AQR: variants seen among roughly 807,000 people sequenced by gnomAD.
The protein encoded by AQR is RNA helicase aquarius.
A neutral mutation model predicts 180.5 loss-of-function variants in AQR; 61 were observed. The ratio of observed to expected loss-of-function variants is 0.34; its 90% confidence interval spans 0.28 to 0.42. AQR has a LOEUF of 0.42. Ranked by LOEUF, AQR falls within the 10% of genes least tolerant of loss-of-function variation. The probability of loss-of-function intolerance (pLI) is 1.00; values close to 1 mark genes in which losing one functional copy is unlikely to be tolerated. For synonymous variants in AQR, 551 were observed against 588.8 expected (o/e 0.94, Z 0.93); for missense variants, 1,281 against 1,798.3 (o/e 0.71, Z 5.20).
intron 14 of AQR, among the ~76,000 whole-genome samples, chr15:34,919,045 C>A (rs1307216287): frequency 1.3e-5 from 2 of 152,042 alleles, no homozygotes; most frequent in Non-Finnish European, 2.9e-5. Flanking sequence ...TCAAGACTAG[C>A]CTGACCAACA....
Position 34,870,848 on chromosome 15 carries a change from G to A in AQR, c.3672C>T (p.Ile1224=). 1 of 1,613,374 alleles carries A rather than the reference G, an allele frequency of 6.2e-7. No individual in the cohort carries two copies. The highest frequency in any genetic ancestry group is 8.5e-7 in the Non-Finnish European group (1 of 1,179,630). The change falls in exon 31 of 35, where the codon ATC becomes ATT. Residue 1224 remains isoleucine, a synonymous_variant. Transcript: ENST00000156471. ...MCLLGYPADK[I]SILTTYNGQK... is the part of the protein sequence containing the mutation. ...GGCCATTATATGTTGTTAGAATACT[G>A]ATTTTGTCAGCAGGGTAACCAAGTA...
At chr15:34,888,773 A>T (rs1017444317) in intron 24 of AQR, among the ~76,000 whole-genome samples, 1 of 152,220 alleles carries the variant, frequency 6.6e-6, no homozygotes, top group South Asian at 2.1e-4. Flanking sequence ...TTGTTTTAGG[A>T]TAGTGTAATT....
At chr15:34,967,222 T>G (rs1002792971) in intron 1 of AQR, among the ~76,000 whole-genome samples, 1 of 152,128 alleles carries the variant, frequency 6.6e-6, no homozygotes, top group African/African-American at 2.4e-5. Flanking sequence ...ATTCACACCT[T>G]AAGGTGTGTG....
intron 24 of AQR, among the ~76,000 whole-genome samples, chr15:34,886,965 A>G (rs1893069583): frequency 6.6e-6 from 1 of 152,038 alleles, no homozygotes; most frequent in Non-Finnish European, 1.5e-5. Context: ...TCTACTAAAA[A>G]TACAAAAAAA....
intron 33 of AQR, among the ~76,000 whole-genome samples, chr15:34,860,826 T>C (rs1420680428): frequency 2.0e-5 from 3 of 152,214 alleles, no homozygotes; most frequent in Non-Finnish European, 4.4e-5. Flanking sequence ...TGGGGTAGAC[T>C]GTTAAATTGC....
rs1429941221 is a variant in AQR at position 34,906,680 on chromosome 15, T to C, written c.1696A>G (p.Thr566Ala). ...LRKHDVCFLI[T>A]VRPTKPYGTK... ...CCATAAGGTTTTGTGGGACGTACGG[T>C]AATTAAAAAGCATACATCATGCTTA... The change falls in exon 18 of 35, where the codon ACC becomes GCC. Residue 566 changes from threonine (T) to alanine (A), a missense_variant. By Grantham distance (58) the Thr-to-Ala change is moderately conservative. Around this residue, in one of 9 missense-constraint regions of AQR, gnomAD observed 200 missense variants for 293.4 expected, o/e 0.68. Transcript: ENST00000156471. 6.2e-7 allele frequency: 1 copy of C among 1,613,758 alleles called. No homozygotes were observed. The highest frequency in any genetic ancestry group is 1.3e-5 in the African/African-American group (1 of 74,908).
Position 34,871,008 on chromosome 15 carries a change from C to T in AQR, c.3598-86G>A, listed in dbSNP as rs1013825629. 3.6e-6 allele frequency: 5 copies of T among 1,374,822 alleles called. No homozygotes were observed. In the African/African-American group the frequency reaches 5.8e-5, roughly 16 times the overall value. 85.2% of individuals were successfully genotyped at this position (1,374,822 alleles called of 1,614,324 possible). A position where few individuals can be genotyped will look rare whatever the true frequency, so the allele number is the denominator to read the frequency against. ...AAATATCTCATCTAGATAAGCAAAA[C>T]TTGTTCACTTTGCACACTGCAAGAA... On this transcript the variant is annotated intron_variant, in intron 30 of 34. Transcript: ENST00000156471.
At chr15:34,968,686 C>T (rs2050326492) in intron 1 of AQR, among the ~76,000 whole-genome samples, 1 of 152,124 alleles carries the variant, frequency 6.6e-6, no homozygotes, top group African/African-American at 2.4e-5. Flanking sequence ...GATTACGATA[C>T]CTTGGTCCAG....
intron 17 of AQR, 118 bp downstream of exon 17, chr15:34,910,017 G>C: frequency 8.4e-7 from 1 of 1,186,518 alleles, no homozygotes; most frequent in Non-Finnish European, 1.2e-6. Context: ...AAATTTCAAG[G>C]ATAACGCTTA....
Position 34,940,890 on chromosome 15 carries a change from C to T in AQR, c.641+9G>A, listed in dbSNP as rs1287698179. The T allele has an allele frequency of 6.3e-7, 1 of 1,584,074 alleles. No homozygotes were observed. The highest frequency in any genetic ancestry group is 8.6e-7 in the Non-Finnish European group (1 of 1,156,952). ...TAAGCCAACATGAAATGAAGCTCTG[C>T]CAACATACTGTTCTCTTGCTTCTGG... is the stretch of plus-strand genomic sequence containing the variant. On this transcript the variant is annotated intron_variant, in intron 8 of 34. Transcript: ENST00000156471.
chr15:34,913,994 T>C (rs1893540118), intron 16 of AQR, among the ~76,000 whole-genome samples: 1 of 152,168 alleles, frequency 6.6e-6, no homozygotes, highest in Non-Finnish European at 1.5e-5. Context: ...AAATAAAACA[T>C]GGAAGTGAAA....
At chr15:34,915,209 ATTTTT>A in intron 15 of AQR, 30 bp from the exon 16 acceptor site, 2 of 1,295,810 alleles carry the variant, frequency 1.5e-6, no homozygotes, top group Non-Finnish European at 1.0e-6. Context: ...CCATATTTCA[ATTTTT>A]TTTTTTTTTT....
intron 1 of AQR, 197 bp from the exon 2 acceptor site, chr15:34,964,487 T>C: frequency 1.5e-6 from 1 of 679,782 alleles, no homozygotes. Flanking sequence ...CAGTAGTGCT[T>C]TGCACTACAA....
intron 5 of AQR, 122 bp downstream of exon 5, chr15:34,948,142 T>C: frequency 9.2e-7 from 1 of 1,090,220 alleles, no homozygotes; most frequent in Non-Finnish European, 1.2e-6. Flanking sequence ...TTTTTCTCAA[T>C]ATTTGCTTTA....
intron 20 of AQR, among the ~76,000 whole-genome samples, chr15:34,899,786 C>T (rs144004552): frequency 6.6e-5 from 10 of 152,166 alleles, no homozygotes; most frequent in African/African-American, 2.4e-4. Context: ...ACCACTAATC[C>T]ATATGAAGGA....
chr15:34,921,263 G>A (rs112023925), intron 13 of AQR, among the ~76,000 whole-genome samples: 14,714 of 151,374 alleles, frequency 0.097, 784 homozygotes, highest in Middle Eastern at 0.16. Flanking sequence ...GTGAAACCCC[G>A]TCTCTACTAA....
intron 18 of AQR, 148 bp downstream of exon 18, chr15:34,906,397 T>C (rs1167727008): frequency 1.1e-6 from 1 of 876,730 alleles, no homozygotes. Flanking sequence ...GCACGGTAGG[T>C]ACCCTACACA....
At chr15:34,927,204 TA>T in intron 12 of AQR, 66 bp from the exon 13 acceptor site, 1 of 897,332 alleles carries the variant, frequency 1.1e-6, no homozygotes, top group Non-Finnish European at 1.6e-6. Flanking sequence ...ATCTACTATT[TA>T]AGAATGAAAA....
At chr15:34,871,126 A>G (rs1202394595) in intron 30 of AQR, among the ~76,000 whole-genome samples, 1 of 152,202 alleles carries the variant, frequency 6.6e-6, no homozygotes, top group Non-Finnish European at 1.5e-5. Context: ...CAAACTTTTA[A>G]TTTGCAATAC....
Sources: gnomAD v4.1 joint callset for allele counts (sites outside exome capture counted in the v4.1 genomes callset) on GRCh38, gnomAD v4.1.1 for gene constraint, gnomAD v4.1.1 regional missense constraint, MANE v1.5 for transcripts, NCBI Gene and HGNC (gene_info 2026-07-23, HGNC 2026-07-21) for gene names.